The following PIBF1 variants were observed in gnomAD, a reference collection of about 807,000 sequenced individuals.
The protein encoded by PIBF1 is progesterone-induced-blocking factor 1.
Under a neutral mutation model 112.5 loss-of-function variants are expected in PIBF1, and 90 were observed. The observed-to-expected ratio is 0.80, with a 90% CI of 0.67 to 0.95. The LOEUF (loss-of-function observed/expected upper bound fraction) is 0.95. PIBF1 is among the 40% of genes least tolerant of loss of function. The pLI is 0.00. For missense variants in PIBF1, 915 were observed against 852.3 expected (o/e 1.07, Z -0.92); for synonymous variants, 301 against 288.6 (o/e 1.04, Z -0.44).
At chr13:72,828,126 C>A (rs2036909509) in intron 8 of PIBF1, among the ~76,000 whole-genome samples, 1 of 151,296 alleles carries the variant, frequency 6.6e-6, no homozygotes, top group Non-Finnish European at 1.5e-5. Context: ...GTGTAATTTT[C>A]CCATGTGCCT....
chr13:72,948,169 A>G (rs996025684), intron 14 of PIBF1, among the ~76,000 whole-genome samples: 2 of 152,122 alleles, frequency 1.3e-5, no homozygotes, highest in Admixed American at 6.5e-5. Context: ...GCACATGTAT[A>G]CCTGTGTAAC....
At chr13:72,968,761 GC>G (rs2042816341) in intron 15 of PIBF1, among the ~76,000 whole-genome samples, 1 of 151,966 alleles carries the variant, frequency 6.6e-6, no homozygotes, top group Non-Finnish European at 1.5e-5. Flanking sequence ...GCACAGTACA[GC>G]CAGTTTCCTC....
chr13:73,000,260 G>A (rs1049854385), intron 17 of PIBF1, among the ~76,000 whole-genome samples: 15 of 152,048 alleles, frequency 9.9e-5, no homozygotes, highest in Non-Finnish European at 1.5e-4. Flanking sequence ...TCATTAACTT[G>A]CTCACAGCCC....
intron 3 of PIBF1, among the ~76,000 whole-genome samples, chr13:72,794,824 T>C (rs570043125): frequency 6.6e-6 from 1 of 152,324 alleles, no homozygotes; most frequent in East Asian, 1.9e-4. Context: ...AGCAGACTAA[T>C]AACATCAGAT....
At chr13:72,972,741 G>A (rs1361395750) in intron 15 of PIBF1, among the ~76,000 whole-genome samples, 1 of 151,278 alleles carries the variant, frequency 6.6e-6, no homozygotes, top group Non-Finnish European at 1.5e-5. Context: ...CTTTTTTATT[G>A]TAATCATTCA....
intron 3 of PIBF1, among the ~76,000 whole-genome samples, chr13:72,793,207 C>T (rs2035024622): frequency 6.6e-6 from 1 of 152,066 alleles, no homozygotes; most frequent in Non-Finnish European, 1.5e-5. Flanking sequence ...TCAAATCATA[C>T]CTCTGTATTC....
intron 14 of PIBF1, among the ~76,000 whole-genome samples, chr13:72,935,958 A>G (rs2041859666): frequency 1.3e-5 from 2 of 151,954 alleles, no homozygotes; most frequent in African/African-American, 4.8e-5. Context: ...ATGATTTACA[A>G]ATATTTTTTC....
At chr13:72,782,745 G>A (rs1456965603) in intron 1 of PIBF1, among the ~76,000 whole-genome samples, 1 of 152,050 alleles carries the variant, frequency 6.6e-6, no homozygotes, top group East Asian at 1.9e-4. Context: ...TTTTCATTCT[G>A]CTATCTATAA....
At chr13:72,856,849 A>G (rs1224500825) in intron 10 of PIBF1, among the ~76,000 whole-genome samples, 1 of 152,166 alleles carries the variant, frequency 6.6e-6, no homozygotes, top group East Asian at 1.9e-4. Context: ...TTTTCAAATG[A>G]CTTTGAAACT....
chr13:73,006,816 A>G (rs1033480457), intron 17 of PIBF1, among the ~76,000 whole-genome samples: 3 of 152,114 alleles, frequency 2.0e-5, no homozygotes, highest in Admixed American at 6.6e-5. Context: ...AGAAGTATCT[A>G]TCTTATCAGT....
At chr13:72,794,140 T>C (rs2035073706) in intron 3 of PIBF1, among the ~76,000 whole-genome samples, 1 of 152,140 alleles carries the variant, frequency 6.6e-6, no homozygotes, top group African/African-American at 2.4e-5. Flanking sequence ...TGAAAATGTA[T>C]CAAGGAAAGA....
At chr13:72,911,732 T>TA (rs1290788430) in intron 12 of PIBF1, among the ~76,000 whole-genome samples, 18 of 152,102 alleles carry the variant, frequency 1.2e-4, no homozygotes, top group African/African-American at 4.3e-4. Flanking sequence ...AAAAGAATGA[T>TA]ACCCAAAATA....
intron 15 of PIBF1, among the ~76,000 whole-genome samples, chr13:72,972,067 C>G (rs1431068229): frequency 6.6e-6 from 1 of 150,954 alleles, no homozygotes; most frequent in African/African-American, 2.4e-5. Flanking sequence ...GAGAGCCTCA[C>G]TCTGTCTCCC....
At chr13:72,810,393 T>G (rs1566299147) in intron 5 of PIBF1, among the ~76,000 whole-genome samples, 1 of 152,218 alleles carries the variant, frequency 6.6e-6, no homozygotes. Context: ...ATTTTTCTCT[T>G]ATGAGAACTT....
intron 9 of PIBF1, among the ~76,000 whole-genome samples, chr13:72,846,283 T>C (rs2037876514): frequency 6.6e-6 from 1 of 152,188 alleles, no homozygotes; most frequent in Non-Finnish European, 1.5e-5. Flanking sequence ...GAAGTCATCT[T>C]TTTTCACATT....
chr13:72,981,879 C>T (rs188141220), intron 16 of PIBF1, among the ~76,000 whole-genome samples: 5 of 152,278 alleles, frequency 3.3e-5, no homozygotes, highest in Admixed American at 2.6e-4. Flanking sequence ...ACATCTTCTA[C>T]ATTTTGAAAT....
chr13:72,848,076 GC>G (rs2037952037), intron 9 of PIBF1, among the ~76,000 whole-genome samples: 1 of 152,148 alleles, frequency 6.6e-6, no homozygotes, highest in Non-Finnish European at 1.5e-5. Context: ...TTGCTTAGTT[GC>G]GCCTGCTGAG....
chr13:72,835,519 A>G (rs928743577), intron 9 of PIBF1, 151 bp downstream of exon 9: 2 of 560,904 alleles, frequency 3.6e-6, no homozygotes, highest in Non-Finnish European at 5.9e-6. Context: ...TAATGAGAAC[A>G]TGAAAGTTCT....
intron 13 of PIBF1, among the ~76,000 whole-genome samples, chr13:72,926,055 G>A (rs1384411473): frequency 1.3e-5 from 2 of 152,024 alleles, no homozygotes; most frequent in African/African-American, 2.4e-5. Context: ...TATAGTTTTA[G>A]CTTCTGTATT....
Sources: gnomAD v4.1 joint callset for allele counts (sites outside exome capture counted in the v4.1 genomes callset) on GRCh38, gnomAD v4.1.1 for gene constraint, MANE v1.5 for transcripts, NCBI Gene and HGNC (gene_info 2026-07-23, HGNC 2026-07-21) for gene names.